Variants in PNPT1 observed in about 807,000 individuals in gnomAD.
PNPT1 encodes polyribonucleotide nucleotidyltransferase 1, mitochondrial.
In PNPT1, 53 loss-of-function variants were observed where a neutral mutation model predicts 119.5. The observed-to-expected ratio is 0.44, with a 90% CI of 0.36 to 0.56. The LOEUF (loss-of-function observed/expected upper bound fraction) is 0.56. PNPT1 is among the 20% of genes least tolerant of loss of function. The probability of loss-of-function intolerance (pLI) is 0.00; values close to 1 mark genes in which losing one functional copy is unlikely to be tolerated. For synonymous variants in PNPT1, 357 were observed against 322.1 expected (o/e 1.11, Z -1.16); for missense variants, 948 against 938.5 (o/e 1.01, Z -0.13).
chr2:55,656,112 A>T lies in PNPT1; in HGVS notation c.1441+19T>A. 6.2e-7 allele frequency: 1 copy of T among 1,600,764 alleles called. No individual in the cohort carries two copies. Among genetic ancestry groups the T allele is most frequent in the Non-Finnish European group, 8.5e-7 (1 of 1,176,094 alleles). ...AATATGGTCTTTTCTACTATGAAAG[A>T]AGTATTTCAATACCATACCATTTGA... On this transcript the variant is annotated intron_variant, in intron 17 of 27. Transcript: ENST00000447944.
intron 15 of PNPT1, among the ~76,000 whole-genome samples, chr2:55,658,559 A>G (rs1325922480): frequency 1.3e-5 from 2 of 152,178 alleles, no homozygotes; most frequent in Non-Finnish European, 2.9e-5. Context: ...TCACAAAAAT[A>G]AAATATGGCA....
chr2:55,685,938 A>T (rs780651311), intron 3 of PNPT1, among the ~76,000 whole-genome samples: 2 of 152,214 alleles, frequency 1.3e-5, no homozygotes, highest in Non-Finnish European at 2.9e-5. Flanking sequence ...GTAGGGAATG[A>T]CAAGAAAAAA....
intron 21 of PNPT1, 134 bp from the exon 22 acceptor site, chr2:55,645,566 T>C (rs929704253): frequency 7.1e-6 from 4 of 563,076 alleles, no homozygotes; most frequent in Non-Finnish European, 1.2e-5. Flanking sequence ...CCTATTACCT[T>C]GAAAATTCAC....
chr2:55,645,416 T>C lies in PNPT1; in HGVS notation c.1755A>G (p.Ile585Met), dbSNP rs755985160. ...AAATAGTTTTGTTCATGATCTGTAA[T>C]ATCTCCTTTTTTGCCACTAGAAGAG... ...IQQASVAKKE[I>M]LQIMNKTISK... Residue 585 changes from isoleucine to methionine, a missense_variant, in exon 22 of 28, where the codon ATA becomes ATG. Transcript: ENST00000447944. 5.0e-6 allele frequency: 8 copies of C among 1,609,868 alleles called. No homozygotes were observed. Among genetic ancestry groups the C allele is most frequent in the South Asian group, 1.1e-5 (1 of 90,730 alleles).
intron 18 of PNPT1, among the ~76,000 whole-genome samples, chr2:55,652,182 G>T (rs11302120): frequency 2.3e-5 from 1 of 43,324 alleles, no homozygotes; most frequent in African/African-American, 5.5e-5. Context: ...GTATCTTTTT[G>T]TTTTCAAACC....
chr2:55,671,557 T>G (rs987642760), intron 10 of PNPT1, among the ~76,000 whole-genome samples, 181 bp from the exon 11 acceptor site: 2 of 152,228 alleles, frequency 1.3e-5, no homozygotes, highest in African/African-American at 4.8e-5. Flanking sequence ...CAAATACATT[T>G]GTACACTCCC....
chr2:55,679,549 T>C (rs948043140), intron 8 of PNPT1, 133 bp downstream of exon 8: 2 of 600,304 alleles, frequency 3.3e-6, no homozygotes, highest in South Asian at 2.1e-5. Context: ...AGCACAAAAA[T>C]AGGACAGAGA....
intron 4 of PNPT1, 62 bp from the exon 5 acceptor site, chr2:55,683,896 G>GT: frequency 3.4e-6 from 5 of 1,485,020 alleles, no homozygotes; most frequent in Non-Finnish European, 4.7e-6. Flanking sequence ...AGTTCAAAAC[G>GT]TTTGAACTAA....
At chr2:55,693,641 G>C (rs1381419288) in intron 1 of PNPT1, 22 bp downstream of exon 1, 1 of 1,613,612 alleles carries the variant, frequency 6.2e-7, no homozygotes, top group Admixed American at 1.7e-5. Flanking sequence ...TGACAATACA[G>C]TGAACGCACG....
chr2:55,662,051 G>T, intron 13 of PNPT1, 25 bp from the exon 14 acceptor site: 1 of 1,518,038 alleles, frequency 6.6e-7, no homozygotes, highest in Non-Finnish European at 8.8e-7. Context: ...GAATTCCTCA[G>T]GCTTTAATAT....
At chr2:55,663,218 C>G (rs1194689324) in intron 13 of PNPT1, among the ~76,000 whole-genome samples, 2 of 151,982 alleles carry the variant, frequency 1.3e-5, no homozygotes, top group Non-Finnish European at 2.9e-5. Context: ...TAACTATACT[C>G]AAAGGACATA....
intron 18 of PNPT1, among the ~76,000 whole-genome samples, chr2:55,650,959 C>G (rs1371450350): frequency 6.7e-6 from 1 of 149,706 alleles, no homozygotes; most frequent in Non-Finnish European, 1.5e-5. Context: ...GGATCAGCCC[C>G]CCGCCCGGCC....
intron 8 of PNPT1, among the ~76,000 whole-genome samples, chr2:55,679,248 G>T (rs1226465089): frequency 6.6e-6 from 1 of 151,998 alleles, no homozygotes; most frequent in Non-Finnish European, 1.5e-5. Flanking sequence ...TTCTCAAGAG[G>T]ATACCAAGCA....
intron 3 of PNPT1, among the ~76,000 whole-genome samples, chr2:55,685,950 G>C (rs887120645): frequency 2.0e-5 from 3 of 152,114 alleles, no homozygotes; most frequent in Non-Finnish European, 2.9e-5. Flanking sequence ...AAGAAAAAAA[G>C]TCTGTACATA....
At chr2:55,690,432 AAC>A (rs1697560047) in intron 1 of PNPT1, among the ~76,000 whole-genome samples, 1 of 152,176 alleles carries the variant, frequency 6.6e-6, no homozygotes, top group South Asian at 2.1e-4. Context: ...GCACAAACCA[AAC>A]ACAAGCATGT....
intron 15 of PNPT1, among the ~76,000 whole-genome samples, chr2:55,659,853 T>C (rs921424810): frequency 2.0e-5 from 3 of 152,228 alleles, no homozygotes; most frequent in African/African-American, 7.2e-5. Flanking sequence ...ATAGTCACTG[T>C]AAAGTTCTTT....
chr2:55,667,242 C>CCTG, intron 12 of PNPT1, 149 bp from the exon 13 acceptor site: 1 of 601,064 alleles, frequency 1.7e-6, no homozygotes, highest in Non-Finnish European at 2.9e-6. Flanking sequence ...GAGCACTATC[C>CCTG]TGAATATCAC....
chr2:55,684,038 G>A (rs1211471632), intron 4 of PNPT1, among the ~76,000 whole-genome samples: 2 of 152,122 alleles, frequency 1.3e-5, no homozygotes, highest in African/African-American at 2.4e-5. Context: ...CACAGAAGAA[G>A]CACATTAACA....
chr2:55,671,695 G>A lies in PNPT1; in HGVS notation c.918+300C>T, dbSNP rs1011319913. 2.0e-5 allele frequency among the ~76,000 whole-genome samples: 3 copies of A among 152,218 alleles called. No individual in the cohort carries two copies. The South Asian group carries it at 6.2e-4, about 32-fold the overall frequency. On this transcript the variant is annotated intron_variant, in intron 10 of 27. Transcript: ENST00000447944. ...CTAAAAATACAAAAGATAGCTGAGT[G>A]TGGTGGCGTGCACCTGTAATCCCAG...
Sources: gnomAD v4.1 joint callset for allele counts (sites outside exome capture counted in the v4.1 genomes callset) on GRCh38, gnomAD v4.1.1 for gene constraint, MANE v1.5 for transcripts, NCBI Gene and HGNC (gene_info 2026-07-23, HGNC 2026-07-21) for gene names.